Variants in NFATC1 observed in about 807,000 individuals in gnomAD.
NFATC1 encodes nuclear factor of activated T cells 1.
A neutral mutation model predicts 76.0 loss-of-function variants in NFATC1; 22 were observed. The observed-to-expected ratio is 0.29, with a 90% CI of 0.21 to 0.41. The LOEUF (loss-of-function observed/expected upper bound fraction) is 0.41. NFATC1 is among the 10% of genes least tolerant of loss of function. The probability of loss-of-function intolerance (pLI) is 1.00; values close to 1 mark genes in which losing one functional copy is unlikely to be tolerated. For missense variants in NFATC1, 1,357 were observed against 1,337.7 expected (o/e 1.01, Z -0.23); for synonymous variants, 704 against 613.1 (o/e 1.15, Z -2.19).
Position 79,452,309 on chromosome 18 carries a change from C to T in NFATC1, c.1903+493C>T, listed in dbSNP as rs143415033. 3.0e-3 allele frequency among the ~76,000 whole-genome samples: 450 copies of T among 152,330 alleles called. No homozygotes were observed. In the Middle Eastern group the frequency reaches 0.034, roughly 12 times the overall value. On this transcript the variant is annotated intron_variant, in intron 6 of 9. Coordinates refer to ENST00000427363, the MANE Select transcript of NFATC1 (RefSeq NM_001278669.2). ...CTGGGGTGGTCTTTAATGCCACAGC[C>T]GTGGTGTGTGTGAGGCTCTTGTGCC... is the stretch of plus-strand genomic sequence containing the variant.
intron 1 of NFATC1, among the ~76,000 whole-genome samples, chr18:79,406,496 G>C (rs1380115301): frequency 6.6e-6 from 1 of 152,156 alleles, no homozygotes; most frequent in Non-Finnish European, 1.5e-5. Flanking sequence ...GGGTCTCCTG[G>C]AGTTGATGAC....
In NFATC1 at chr18:79,400,582, TCCCCGGCGCG is replaced by T. The variant is rs1404790843; in HGVS notation, c.127+4235_127+4244del. 7.6e-6 allele frequency: 8 copies of T among 1,058,900 alleles called. No homozygotes were observed. The African/African-American group carries it at 1.4e-4, about 18-fold the overall frequency. 65.6% of individuals were successfully genotyped at this position (1,058,900 alleles called of 1,614,324 possible). A position where few individuals can be genotyped will look rare whatever the true frequency, so the allele number is the denominator to read the frequency against. ...CGTCGCTCCCCGGGGACCCCAGGAGTCCCCGGCGCGCCCGGGACCGAGGGGCTACGGCGGG... is the reference window on the plus strand; with the variant it reads ...CGTCGCTCCCCGGGGACCCCAGGAGTCCCGGGACCGAGGGGCTACGGCGGG... On this transcript the variant is annotated intron_variant, in intron 1 of 9. Coordinates refer to ENST00000427363, the MANE Select transcript of NFATC1 (RefSeq NM_001278669.2).
intron 6 of NFATC1, among the ~76,000 whole-genome samples, chr18:79,454,958 C>T (rs2144807385): frequency 6.6e-6 from 1 of 151,960 alleles, no homozygotes; most frequent in South Asian, 2.1e-4. Flanking sequence ...CCTCTCTGTA[C>T]ACGCGTGAAC....
intron 9 of NFATC1, among the ~76,000 whole-genome samples, chr18:79,525,660 C>G (rs1361177121): frequency 2.0e-5 from 3 of 152,226 alleles, no homozygotes. Context: ...ATTTAGGCCT[C>G]TTTCGTCCCC....
At chr18:79,503,254 C>T (rs983806795) in intron 9 of NFATC1, among the ~76,000 whole-genome samples, 6 of 152,188 alleles carry the variant, frequency 3.9e-5, no homozygotes, top group Non-Finnish European at 5.9e-5. Context: ...ACCTCAGAGA[C>T]GTCGCAGGTT....
At chr18:79,508,724 T>C (rs1243717774) in intron 9 of NFATC1, among the ~76,000 whole-genome samples, 2 of 151,864 alleles carry the variant, frequency 1.3e-5, no homozygotes, top group East Asian at 1.9e-4. Flanking sequence ...TGAATCTCTG[T>C]CCCTCTCTCC....
At chr18:79,438,582 G>A (rs1051453420) in intron 3 of NFATC1, among the ~76,000 whole-genome samples, 4 of 152,272 alleles carry the variant, frequency 2.6e-5, no homozygotes, top group Non-Finnish European at 5.9e-5. Flanking sequence ...AATGTGAAAC[G>A]AGAAGCCTCG....
rs959959164 is a variant in NFATC1, at chr18:79,529,040, T to C, written c.*1463T>C. ...AGAACGTCGCTGATGGAGAAAGGGC[T>C]CCCGCAGAAGGAACGGCCTGTACCG... On this transcript the variant is annotated 3_prime_UTR_variant, in exon 10 of 10. Coordinates refer to ENST00000427363, the MANE Select transcript of NFATC1 (RefSeq NM_001278669.2). The C allele has an allele frequency of 2.0e-5, 3 of 152,416 alleles. No homozygotes were observed. The highest frequency in any genetic ancestry group is 4.4e-5 in the Non-Finnish European group (3 of 68,034). 9.4% of individuals were successfully genotyped at this position (152,416 alleles called of 1,614,324 possible).
At chr18:79,515,532 T>TA (rs1438220120) in intron 9 of NFATC1, among the ~76,000 whole-genome samples, 2 of 151,882 alleles carry the variant, frequency 1.3e-5, no homozygotes, top group African/African-American at 4.8e-5. Context: ...ACCAGGGGCG[T>TA]ATTGGCTTCT....
intron 3 of NFATC1, among the ~76,000 whole-genome samples, chr18:79,437,904 G>A (rs1324871503): frequency 6.6e-6 from 1 of 152,228 alleles, no homozygotes; most frequent in South Asian, 2.1e-4. Context: ...GTAGGCAGCC[G>A]GCATCAGGAT....
intron 9 of NFATC1, among the ~76,000 whole-genome samples, chr18:79,501,976 A>G (rs2090024571): frequency 6.6e-6 from 1 of 152,216 alleles, no homozygotes; most frequent in Admixed American, 6.5e-5. Flanking sequence ...TCAAAACTCC[A>G]GCAATTTTTT....
At chr18:79,527,441 G>A (rs951595103) in intron 9 of NFATC1, 87 bp from the exon 10 acceptor site, 45 of 1,078,110 alleles carry the variant, frequency 4.2e-5, no homozygotes, top group South Asian at 3.8e-4. Flanking sequence ...AGGCGTGAGC[G>A]TCACTGATGG....
intron 8 of NFATC1, among the ~76,000 whole-genome samples, chr18:79,479,978 C>G (rs545783032): frequency 6.6e-6 from 1 of 152,188 alleles, no homozygotes; most frequent in Non-Finnish European, 1.5e-5. Flanking sequence ...CTGGGAGAAG[C>G]CGCGTGGAGA....
intron 8 of NFATC1, among the ~76,000 whole-genome samples, chr18:79,473,197 G>A (rs1330754934): frequency 3.9e-5 from 6 of 152,374 alleles, no homozygotes; most frequent in South Asian, 4.1e-4. Context: ...CCCAGCTGCC[G>A]AGTGCTTCTG....
intron 8 of NFATC1, chr18:79,468,900 CGGG>C (rs2088653297): frequency 6.7e-6 from 1 of 149,320 alleles, no homozygotes; most frequent in African/African-American, 2.6e-5. Flanking sequence ...CTGGGACCCC[CGGG>C]ATTGTGGGGA....
chr18:79,429,858 C>T lies in NFATC1; in HGVS notation c.1227-3721C>T, dbSNP rs116183030. 9.3e-3 allele frequency among the ~76,000 whole-genome samples: 1,412 copies of T among 152,348 alleles called. 21 individuals carry two copies. Among genetic ancestry groups the T allele is most frequent in the African/African-American group, 0.032 (1,318 of 41,582 alleles). On this transcript the variant is annotated intron_variant, in intron 2 of 9. Transcript: ENST00000427363. ...AGCCAAATGCAGTCCTGCACCGCGG[C>T]GTCGGGTCAACGGCGGACTTCACCT...
At chr18:79,430,600 C>G (rs1372473457) in intron 2 of NFATC1, among the ~76,000 whole-genome samples, 2 of 152,222 alleles carry the variant, frequency 1.3e-5, no homozygotes, top group Admixed American at 1.3e-4. Flanking sequence ...CCAGGATGGT[C>G]TTGGTCTCCT....
intron 3 of NFATC1, among the ~76,000 whole-genome samples, chr18:79,438,574 T>C (rs780128564): frequency 6.6e-6 from 1 of 152,256 alleles, no homozygotes; most frequent in Non-Finnish European, 1.5e-5. Flanking sequence ...GTCACTGGAA[T>C]GTGAAACGAG....
intron 8 of NFATC1, among the ~76,000 whole-genome samples, chr18:79,476,462 T>C (rs997310283): frequency 6.6e-6 from 1 of 152,212 alleles, no homozygotes; most frequent in African/African-American, 2.4e-5. Context: ...GGGCAACAGA[T>C]CCCACCTCAC....
Sources: allele counts gnomAD v4.1 joint callset (sites outside exome capture counted in the v4.1 genomes callset), GRCh38; gene constraint gnomAD v4.1.1; transcripts MANE v1.5; gene names NCBI Gene and HGNC (gene_info 2026-07-23, HGNC 2026-07-21).